CRADD: variants seen among roughly 807,000 people sequenced by gnomAD.
CRADD encodes the protein death domain-containing protein CRADD.
CRADD carries 9 observed loss-of-function variants against 15.5 expected under a neutral mutation model. The ratio of observed to expected loss-of-function variants is 0.58; its 90% CI spans 0.35 to 1.01. The LOEUF is 1.01. CRADD is among the 50% of genes least tolerant of loss of function. The pLI is 0.02. For synonymous variants in CRADD, 118 were observed against 107.6 expected, an observed-to-expected ratio of 1.10 and a Z score of -0.60; for missense variants, 227 against 250.3, an observed-to-expected ratio of 0.91 and a Z score of 0.63.
intron 2 of CRADD, among the ~76,000 whole-genome samples, chr12:93,777,244 G>C (rs559030330): frequency 1.4e-4 from 21 of 152,298 alleles, no homozygotes; most frequent in African/African-American, 5.1e-4. Flanking sequence ...ATCAGCTCTA[G>C]GGGTGGATGG....
chr12:93,694,966 G>A (rs1955665655), intron 2 of CRADD, among the ~76,000 whole-genome samples: 1 of 152,166 alleles, frequency 6.6e-6, no homozygotes, highest in Non-Finnish European at 1.5e-5. Context: ...AAACAATTCT[G>A]AAATTTATAT....
intron 2 of CRADD, among the ~76,000 whole-genome samples, chr12:93,875,187 C>T (rs1490797625): frequency 6.6e-6 from 1 of 151,934 alleles, no homozygotes; most frequent in Non-Finnish European, 1.5e-5. Flanking sequence ...TTTGTTTCTT[C>T]TTATAATTTT....
Position 93,850,632 on chromosome 12 carries a change from G to C in CRADD, c.*361G>C. Reference sequence around the variant, plus strand: ...ATCTCATGTCATCACATTACAGGCAGGTGTCTCATATGTAAAACATTTACC... The same window carrying C: ...ATCTCATGTCATCACATTACAGGCACGTGTCTCATATGTAAAACATTTACC... On this transcript the variant is annotated 3_prime_UTR_variant, in exon 3 of 3. Transcript: ENST00000332896. This position sits in a 1 kb window ranked among gnomAD's most constrained non-coding sequence, Gnocchi z 4.0. The C allele has an allele frequency of 2.1e-6, 2 of 939,998 alleles. No individual in the cohort carries two copies. The highest frequency in any genetic ancestry group is 2.5e-6 in the Non-Finnish European group (2 of 788,006). The allele number at this position is 939,998 out of a possible 1,614,324, so 58.2% of individuals were successfully genotyped here.
chr12:93,763,890 T>C (rs1357003441), intron 2 of CRADD, among the ~76,000 whole-genome samples: 1 of 152,226 alleles, frequency 6.6e-6, no homozygotes, highest in East Asian at 1.9e-4. Flanking sequence ...TGTTCATCAG[T>C]GTCTGCTGCC....
At chr12:93,855,256 C>T (rs1958263376), downstream of CRADD, among the ~76,000 whole-genome samples, 1 of 152,100 alleles carries the variant, frequency 6.6e-6, no homozygotes, top group Non-Finnish European at 1.5e-5. Context: ...GACACACACA[C>T]ACACAGGCCT....
chr12:93,806,376 C>A (rs755413922), intron 2 of CRADD, among the ~76,000 whole-genome samples: 3 of 140,172 alleles, frequency 2.1e-5, no homozygotes, highest in African/African-American at 5.2e-5. Context: ...CACTTGAACC[C>A]GGGAGGCAGA....
At chr12:93,811,951 A>T (rs1201743828) in intron 2 of CRADD, among the ~76,000 whole-genome samples, 1 of 152,210 alleles carries the variant, frequency 6.6e-6, no homozygotes, top group African/African-American at 2.4e-5. Flanking sequence ...TTATTCAGTG[A>T]TAAAAGAAAT....
At chr12:93,791,198 A>G (rs1420153698) in intron 2 of CRADD, among the ~76,000 whole-genome samples, 1 of 152,206 alleles carries the variant, frequency 6.6e-6, no homozygotes, top group Non-Finnish European at 1.5e-5. Flanking sequence ...AAATTGGTAT[A>G]TCGAAGAGAT....
At chr12:93,702,588 C>T (rs531251299) in intron 2 of CRADD, among the ~76,000 whole-genome samples, 216 of 151,148 alleles carry the variant, frequency 1.4e-3, no homozygotes, top group African/African-American at 5.1e-3. Flanking sequence ...TGTGGCATTA[C>T]GAGATATAAT....
chr12:93,875,730 T>C (rs543567280), intron 2 of CRADD, among the ~76,000 whole-genome samples: 1 of 152,264 alleles, frequency 6.6e-6, no homozygotes, highest in African/African-American at 2.4e-5. Context: ...GCTTTTTAAC[T>C]TTTTGTTGTT....
rs55986038 is a variant in CRADD, at chr12:93,701,295, G to GACACACACACACACACACAC, written c.298+22241_298+22260dup. Among the ~76,000 whole-genome samples, 316 of 143,444 alleles carry GACACACACACACACACACAC rather than the reference G, an allele frequency of 2.2e-3. 1 individual carries two copies. Among genetic ancestry groups the GACACACACACACACACACAC allele is most frequent in the African/African-American group, 7.9e-3 (302 of 38,424 alleles). 94.1% of individuals were successfully genotyped at this position (143,444 alleles called of 152,430 possible). On this transcript the variant is annotated intron_variant, in intron 2 of 2. Transcript: ENST00000332896. Reference sequence around the variant, plus strand: ...CATATCCTTCTCTCTCTCTCTCTGTGACACACACACACACACACACACACA... The same window carrying GACACACACACACACACACAC: ...CATATCCTTCTCTCTCTCTCTCTGTGACACACACACACACACACACACACACACACACACACACACACACA...
chr12:93,752,304 C>T (rs1434535431), intron 2 of CRADD, among the ~76,000 whole-genome samples: 1 of 152,198 alleles, frequency 6.6e-6, no homozygotes, highest in African/African-American at 2.4e-5. Context: ...ACTTATAAGG[C>T]CATTCTATTT....
At chr12:93,766,166 CTGACAGCT>C in intron 2 of CRADD, among the ~76,000 whole-genome samples, 1 of 152,288 alleles carries the variant, frequency 6.6e-6, no homozygotes, top group South Asian at 2.1e-4. Flanking sequence ...CGTTCATCCT[CTGACAGCT>C]TACACCAGTC....
intron 2 of CRADD, among the ~76,000 whole-genome samples, chr12:93,705,352 C>T (rs1431452000): frequency 2.0e-5 from 3 of 152,142 alleles, no homozygotes; most frequent in Non-Finnish European, 1.5e-5. Context: ...TACAGGTTGC[C>T]TATTGTGTAG....
intron 2 of CRADD, among the ~76,000 whole-genome samples, chr12:93,697,006 A>G (rs1426579338): frequency 6.6e-6 from 1 of 152,186 alleles, no homozygotes; most frequent in Non-Finnish European, 1.5e-5. Flanking sequence ...GATACTGACA[A>G]ATGACTGTAG....
At chr12:93,723,276 C>T (rs904123662) in intron 2 of CRADD, among the ~76,000 whole-genome samples, 6 of 152,164 alleles carry the variant, frequency 3.9e-5, no homozygotes, top group African/African-American at 1.2e-4. Context: ...AGTCATGTAG[C>T]CAGAGGCCAC....
chr12:93,827,732 T>C (rs1341618037), intron 2 of CRADD, among the ~76,000 whole-genome samples: 14 of 152,108 alleles, frequency 9.2e-5, no homozygotes, highest in Non-Finnish European at 8.8e-5. Context: ...TCAGTCTTCT[T>C]TATTTTAACC....
At chr12:93,874,484 G>A (rs1447962266) in intron 2 of CRADD, among the ~76,000 whole-genome samples, 1 of 151,214 alleles carries the variant, frequency 6.6e-6, no homozygotes, top group East Asian at 1.9e-4. Flanking sequence ...TTTGGGTTTG[G>A]TTTGCTCTTG....
intron 2 of CRADD, among the ~76,000 whole-genome samples, chr12:93,844,975 T>C (rs772722293): frequency 4.0e-5 from 6 of 151,668 alleles, no homozygotes; most frequent in Non-Finnish European, 7.4e-5. Context: ...TTGGTAAAAG[T>C]TAAAAAAACA....
Sources: gnomAD v4.1 joint callset for allele counts (sites outside exome capture counted in the v4.1 genomes callset) on GRCh38, gnomAD v4.1.1 for gene constraint, Gnocchi (gnomAD v3.1) non-coding constraint, MANE v1.5 for transcripts, NCBI Gene and HGNC (gene_info 2026-07-23, HGNC 2026-07-21) for gene names.